TMEM244: variants seen among roughly 807,000 people sequenced by gnomAD.
The protein encoded by TMEM244 is putative transmembrane protein 244.
A neutral mutation model predicts 15.8 loss-of-function variants in TMEM244; 13 were observed. The observed-to-expected ratio is 0.82, with a 90% CI of 0.53 to 1.30. The LOEUF is 1.30. Ranked by LOEUF, TMEM244 falls within the 50% of genes most tolerant of loss-of-function variation. The probability of loss-of-function intolerance (pLI) is 0.00; values close to 1 mark genes in which losing one functional copy is unlikely to be tolerated. For missense variants in TMEM244, 161 were observed against 144.9 expected, an observed-to-expected ratio of 1.11 and a Z score of -0.57; for synonymous variants, 45 against 48.7, an observed-to-expected ratio of 0.92 and a Z score of 0.32.
intron 1 of TMEM244, among the ~76,000 whole-genome samples, chr6:129,856,928 AT>A (rs1483951457): frequency 6.6e-6 from 1 of 151,980 alleles, no homozygotes; most frequent in African/African-American, 2.4e-5. Context: ...GAGTATGTTA[AT>A]TTTTTAATCA....
intron 1 of TMEM244, among the ~76,000 whole-genome samples, chr6:129,846,979 A>C (rs747582457): frequency 6.6e-6 from 1 of 152,232 alleles, no homozygotes; most frequent in African/African-American, 2.4e-5. Flanking sequence ...GTCTTGTACC[A>C]GACACCACAA....
At chr6:129,846,436 A>G (rs561638696) in intron 1 of TMEM244, among the ~76,000 whole-genome samples, 3 of 152,322 alleles carry the variant, frequency 2.0e-5, no homozygotes, top group South Asian at 4.1e-4. Context: ...CAAATTTTAT[A>G]TAGAGATACA....
chr6:129,857,218 G>A (rs947656701), intron 1 of TMEM244, among the ~76,000 whole-genome samples: 1 of 151,750 alleles, frequency 6.6e-6, no homozygotes, highest in African/African-American at 2.4e-5. Flanking sequence ...TGTAAATAGA[G>A]ATAGTTTTAC....
At chr6:129,852,471 A>G (rs73778843) in intron 1 of TMEM244, among the ~76,000 whole-genome samples, 2,449 of 152,222 alleles carry the variant, frequency 0.016, 23 homozygotes, top group Non-Finnish European at 0.022. Context: ...AGAAGCTGGC[A>G]CTTCGCCTTC....
chr6:129,849,220 A>T (rs1776603424), intron 1 of TMEM244, among the ~76,000 whole-genome samples: 1 of 152,172 alleles, frequency 6.6e-6, no homozygotes, highest in African/African-American at 2.4e-5. Context: ...TAATATATTT[A>T]AAAATCATTT....
intron 1 of TMEM244, among the ~76,000 whole-genome samples, chr6:129,855,923 C>A (rs1047398327): frequency 1.3e-5 from 2 of 152,064 alleles, no homozygotes; most frequent in Non-Finnish European, 1.5e-5. Flanking sequence ...TTTAGCCATT[C>A]ATTAACATAT....
At chr6:129,833,319 T>C in intron 4 of TMEM244, 141 bp downstream of exon 4, 1 of 990,800 alleles carries the variant, frequency 1.0e-6, no homozygotes, top group Non-Finnish European at 1.4e-6. Context: ...GAAAGAGGGA[T>C]GAAGACCTTT....
chr6:129,847,144 G>A (rs1776571886), intron 1 of TMEM244, among the ~76,000 whole-genome samples: 1 of 152,100 alleles, frequency 6.6e-6, no homozygotes, highest in Non-Finnish European at 1.5e-5. Flanking sequence ...GACAAAGTAT[G>A]TAAATAGGCA....
intron 3 of TMEM244, among the ~76,000 whole-genome samples, chr6:129,836,850 A>G (rs4549634): frequency 0.37 from 56,628 of 151,938 alleles, 11,053 homozygotes; most frequent in South Asian, 0.5. Context: ...AATTAATGAA[A>G]TAAAGTGAGA....
chr6:129,843,112 T>A (rs1283610285), intron 3 of TMEM244, among the ~76,000 whole-genome samples: 1 of 152,120 alleles, frequency 6.6e-6, no homozygotes, highest in African/African-American at 2.4e-5. Context: ...TTCTTATCAC[T>A]GACACCATGT....
chr6:129,832,278 A>G (rs1311170897), intron 4 of TMEM244, among the ~76,000 whole-genome samples: 5 of 151,762 alleles, frequency 3.3e-5, no homozygotes, highest in Non-Finnish European at 7.4e-5. Flanking sequence ...TTGTATTTTT[A>G]GTAGAGATGG....
chr6:129,854,145 G>C (rs1371893924), intron 1 of TMEM244, among the ~76,000 whole-genome samples: 1 of 152,220 alleles, frequency 6.6e-6, no homozygotes, highest in African/African-American at 2.4e-5. Context: ...GGGAGGAAGA[G>C]ATGTGTCCAT....
At position 129,831,335 on chromosome 6, in the gene TMEM244, G is replaced by A. The variant is rs557847545; in HGVS notation, c.371C>T (p.Ser124Leu). The A allele has an allele frequency of 2.6e-6, 4 of 1,560,038 alleles. No individual in the cohort carries two copies. Among genetic ancestry groups the A allele is most frequent in the South Asian group, 2.2e-5 (2 of 89,324 alleles). The change falls in exon 5 of 5, where the codon TCA becomes TTA. Residue 124 changes from serine (S) to leucine (L), a missense_variant. Coordinates refer to ENST00000368143, the MANE Select transcript of TMEM244 (RefSeq NM_001010876.2). ...TSHWWAALGI[S>L]KLLV ...TTAGAGAATCTAAACAAGCAATTTTGATATACCTAAAGCAGCCCACCAATG... is the reference window on the plus strand; with the variant it reads ...TTAGAGAATCTAAACAAGCAATTTTAATATACCTAAAGCAGCCCACCAATG...
intron 3 of TMEM244, among the ~76,000 whole-genome samples, chr6:129,838,826 T>A (rs1366682700): frequency 1.3e-5 from 2 of 152,168 alleles, no homozygotes; most frequent in Admixed American, 1.3e-4. Context: ...CTAGAAAATC[T>A]AGAAGAAATG....
At chr6:129,854,355 G>C (rs1019712808) in intron 1 of TMEM244, among the ~76,000 whole-genome samples, 1 of 152,198 alleles carries the variant, frequency 6.6e-6, no homozygotes, top group Non-Finnish European at 1.5e-5. Flanking sequence ...CCAGATAAAA[G>C]CAATCTTTGC....
chr6:129,831,273 T>G lies in TMEM244; in HGVS notation c.*46A>C, dbSNP rs760511562. The stretch of plus-strand genomic sequence containing the variant: ...AAAATCTATGAGAAAATAAAATATA[T>G]TTCCACAGTTATTCTATTTAACATT... On this transcript the variant is annotated 3_prime_UTR_variant, in exon 5 of 5. Coordinates refer to ENST00000368143, the MANE Select transcript of TMEM244 (RefSeq NM_001010876.2). 2.8e-6 allele frequency: 3 copies of G among 1,064,818 alleles called. No individual in the cohort carries two copies. The highest frequency in any genetic ancestry group is 1.6e-5 in the African/African-American group (1 of 64,082). The allele number at this position is 1,064,818 out of a possible 1,614,324, so 66.0% of individuals were successfully genotyped here.
chr6:129,848,777 C>G (rs987053311), intron 1 of TMEM244, among the ~76,000 whole-genome samples: 8 of 152,124 alleles, frequency 5.3e-5, no homozygotes, highest in African/African-American at 9.7e-5. Flanking sequence ...TTTGGGTTTG[C>G]TTTATTCTTC....
intron 1 of TMEM244, among the ~76,000 whole-genome samples, chr6:129,855,140 T>C (rs1175977643): frequency 6.6e-6 from 1 of 152,164 alleles, no homozygotes; most frequent in Non-Finnish European, 1.5e-5. Context: ...CAGGTCTGGG[T>C]TCCTGAGCAA....
chr6:129,857,961 G>A (rs1199789813), intron 1 of TMEM244, among the ~76,000 whole-genome samples: 1 of 151,820 alleles, frequency 6.6e-6, no homozygotes, highest in Non-Finnish European at 1.5e-5. Flanking sequence ...GGCAGTTTTA[G>A]CGTCTATGAA....
Sources: gnomAD v4.1 joint callset for allele counts (sites outside exome capture counted in the v4.1 genomes callset) on GRCh38, gnomAD v4.1.1 for gene constraint, MANE v1.5 for transcripts, NCBI Gene and HGNC (gene_info 2026-07-23, HGNC 2026-07-21) for gene names.